Variants in HLCS observed in about 807,000 individuals in gnomAD.
The protein encoded by HLCS is holocarboxylase synthetase.
A neutral mutation model predicts 75.0 loss-of-function variants in HLCS; 53 were observed. That is an observed-to-expected ratio of 0.71 (90% CI 0.57 to 0.89). The LOEUF is 0.89. Ranked by LOEUF, HLCS falls within the 40% of genes least tolerant of loss-of-function variation. The probability of loss-of-function intolerance (pLI) is 0.00; values close to 1 mark genes in which losing one functional copy is unlikely to be tolerated. For synonymous variants in HLCS, 431 were observed against 428.6 expected (o/e 1.01, Z -0.07); for missense variants, 966 against 1,074.0 (o/e 0.90, Z 1.41).
chr21:36,841,748 G>A (rs903986521), intron 6 of HLCS, among the ~76,000 whole-genome samples: 7 of 152,228 alleles, frequency 4.6e-5, no homozygotes, highest in Admixed American at 2.6e-4. Context: ...CAACTAAGAC[G>A]TGAGCTATGT....
At chr21:36,905,563 C>A (rs1233117398) in intron 5 of HLCS, among the ~76,000 whole-genome samples, 2 of 152,182 alleles carry the variant, frequency 1.3e-5, no homozygotes, top group Admixed American at 6.5e-5. Context: ...GTGGAACCAA[C>A]AGCTGAATGC....
chr21:36,833,949 G>A (rs1236011341), intron 6 of HLCS, among the ~76,000 whole-genome samples: 3 of 152,240 alleles, frequency 2.0e-5, no homozygotes, highest in South Asian at 4.1e-4. Context: ...CAGTGGACCT[G>A]TGAATGACAC....
chr21:36,965,358 T>C lies in HLCS; in HGVS notation c.195+1086A>G, dbSNP rs2068511311. On this transcript the variant is annotated intron_variant, in intron 1 of 10. Transcript: ENST00000674895. ...ATATTAATGAGAACAATGCTACCGA[T>C]GTCCATGAAATTTTGTGCAGTACTG... 2.6e-5 allele frequency among the ~76,000 whole-genome samples: 4 copies of C among 152,328 alleles called. No homozygotes were observed. The South Asian group carries it at 8.3e-4, about 32-fold the overall frequency.
intron 4 of HLCS, among the ~76,000 whole-genome samples, chr21:36,934,764 A>T (rs900247654): frequency 6.6e-6 from 1 of 152,190 alleles, no homozygotes; most frequent in African/African-American, 2.4e-5. Context: ...GAAGACTATG[A>T]AATTGAACAG....
intron 6 of HLCS, among the ~76,000 whole-genome samples, chr21:36,848,258 C>T (rs1267991268): frequency 6.7e-6 from 1 of 149,866 alleles, no homozygotes; most frequent in Admixed American, 6.7e-5. Context: ...ATAACTTTGC[C>T]CACATAATTG....
intron 6 of HLCS, among the ~76,000 whole-genome samples, chr21:36,814,435 T>C (rs1434381559): frequency 6.6e-6 from 1 of 152,176 alleles, no homozygotes; most frequent in Non-Finnish European, 1.5e-5. Flanking sequence ...ATGTCTCAAA[T>C]CATGCATGGG....
At chr21:36,848,272 T>G (rs529582555) in intron 6 of HLCS, among the ~76,000 whole-genome samples, 137 of 65,022 alleles carry the variant, frequency 2.1e-3, no homozygotes, top group African/African-American at 0.012. Context: ...ATAATTGTTG[T>G]TTTTTTTTTT....
chr21:36,820,093 C>G (rs2061782012), intron 6 of HLCS, among the ~76,000 whole-genome samples: 1 of 152,240 alleles, frequency 6.6e-6, no homozygotes, highest in Non-Finnish European at 1.5e-5. Flanking sequence ...GCACCCCTCC[C>G]TCAGTGAGAA....
rs2068329327 is a variant in HLCS at position 36,962,134 on chromosome 21, C to T, written c.232G>A (p.Val78Met). ...EDLNKWALFL[V>M]SPFILEAEHI... The stretch of plus-strand genomic sequence containing the variant: ...TCTGCTTCAAGTATAAAAGGAGACA[C>T]AAGAAATAGGGCCCACTTGTTCAAG... The change falls in exon 2 of 11, where the codon GTG (valine) becomes ATG (methionine). Residue 78 changes from valine to methionine, a missense_variant. Transcript: ENST00000674895. 1.6e-6 allele frequency: 2 copies of T among 1,288,858 alleles called. No individual in the cohort carries two copies. Among genetic ancestry groups the T allele is most frequent in the Non-Finnish European group, 2.0e-6 (2 of 988,220 alleles). 79.8% of individuals were successfully genotyped at this position (1,288,858 alleles called of 1,614,324 possible).
In HLCS at chr21:36,909,769, CCT is replaced by C. The variant is rs536673081; in HGVS notation, c.1621-12640_1621-12639del. On this transcript the variant is annotated intron_variant, in intron 5 of 10. Coordinates refer to ENST00000674895, the MANE Select transcript of HLCS (RefSeq NM_001352514.2). ...CACATCACTTTAGAGCGGTTCCACC[CCT>C]GTTACTTGTCTTATCTGCTAAATTT... Among the ~76,000 whole-genome samples, 30 of 152,228 alleles carry C rather than the reference CCT, an allele frequency of 2.0e-4. No homozygotes were observed. The South Asian group carries it at 5.2e-3, about 26-fold the overall frequency.
chr21:36,982,806 G>A (rs1247035573), intron 1 of HLCS, among the ~76,000 whole-genome samples: 11 of 152,126 alleles, frequency 7.2e-5, no homozygotes, highest in East Asian at 1.9e-4. Flanking sequence ...CGAGGCAGGT[G>A]GATCACGAGG....
At chr21:36,806,776 C>A (rs11910768) in intron 6 of HLCS, among the ~76,000 whole-genome samples, 7,430 of 152,208 alleles carry the variant, frequency 0.049, 301 homozygotes, top group South Asian at 0.18. Flanking sequence ...AACTAAGCAG[C>A]CCGAGACAAC....
At position 36,852,439 on chromosome 21, in the gene HLCS, T is replaced by C. The variant is rs556804874; in HGVS notation, c.1892+44421A>G. ...ACCCAGCTTCCCAGGGGCCCTCAAG[T>C]CCATGCACAGGGCAGCTGGATTTCC... On this transcript the variant is annotated intron_variant, in intron 6 of 10. Transcript: ENST00000674895. 3.0e-4 allele frequency among the ~76,000 whole-genome samples: 46 copies of C among 152,238 alleles called. 1 individual carries two copies. In the South Asian group the frequency reaches 9.3e-3, roughly 31 times the overall value.
At chr21:36,888,778 G>A (rs2064642714) in intron 6 of HLCS, among the ~76,000 whole-genome samples, 1 of 151,880 alleles carries the variant, frequency 6.6e-6, no homozygotes, top group Admixed American at 6.6e-5. Flanking sequence ...TAAGGCTCAG[G>A]GAGGAGAGAC....
chr21:36,964,534 A>G (rs1571700), intron 1 of HLCS, among the ~76,000 whole-genome samples: 92,761 of 152,056 alleles, frequency 0.61, 28,604 homozygotes, highest in East Asian at 0.75. Context: ...TAAAGGCTAC[A>G]GGGATGCAGA....
In HLCS at chr21:36,955,052, T is replaced by G. The variant is rs143316350; in HGVS notation, c.330+6984A>C. ...CTCTAGCCTGGGCAGCAGAGTGAGA[T>G]TCTGTCTCAAAAAAAACCCAACAAA... On this transcript the variant is annotated intron_variant, in intron 2 of 10. Transcript: ENST00000674895. 5.6e-3 allele frequency among the ~76,000 whole-genome samples: 851 copies of G among 152,140 alleles called. 7 individuals carry two copies. The highest frequency in any genetic ancestry group is 9.5e-3 in the Non-Finnish European group (646 of 68,002).
At chr21:36,823,610 G>GGGGTGTGTGTGT (rs372824950) in intron 6 of HLCS, among the ~76,000 whole-genome samples, 1,551 of 132,826 alleles carry the variant, frequency 0.012, 17 homozygotes, top group South Asian at 0.03. Flanking sequence ...AAACGTGCAG[G>GGGGTGTGTGTGT]GTGTGTGTGT....
In HLCS at chr21:36,859,226, T is replaced by C. The variant is rs2063304090; in HGVS notation, c.1892+37634A>G. On this transcript the variant is annotated intron_variant, in intron 6 of 10. Transcript: ENST00000674895. The stretch of plus-strand genomic sequence containing the variant: ...TTAGTAGAGACGGGGTTTCACCATG[T>C]TGGTCAGGCTGGTCTCAAACTCCTG... Among the ~76,000 whole-genome samples the C allele has an allele frequency of 2.0e-5, 3 of 152,162 alleles. No individual in the cohort carries two copies. In the South Asian group the frequency reaches 6.2e-4, roughly 32 times the overall value.
At chr21:36,845,503 T>C (rs1200863499) in intron 6 of HLCS, among the ~76,000 whole-genome samples, 1 of 152,078 alleles carries the variant, frequency 6.6e-6, no homozygotes, top group Non-Finnish European at 1.5e-5. Flanking sequence ...CTATCCCTCT[T>C]CTAAGTAGGT....
Sources: gnomAD v4.1 joint callset for allele counts (sites outside exome capture counted in the v4.1 genomes callset) on GRCh38, gnomAD v4.1.1 for gene constraint, MANE v1.5 for transcripts, NCBI Gene and HGNC (gene_info 2026-07-23, HGNC 2026-07-21) for gene names.